Variants in SNX27 observed in about 807,000 individuals in gnomAD.
The protein encoded by SNX27 is sorting nexin 27, also known as sorting nexin-27.
SNX27 carries 22 observed loss-of-function variants against 71.6 expected under a neutral mutation model. That is an observed-to-expected ratio of 0.31 (90% CI 0.22 to 0.44). SNX27 has a LOEUF of 0.44. SNX27 is among the 20% of genes least tolerant of loss of function. The probability of loss-of-function intolerance (pLI) is 1.00; values close to 1 mark genes in which losing one functional copy is unlikely to be tolerated. For synonymous variants in SNX27, 269 were observed against 277.2 expected, an observed-to-expected ratio of 0.97 and a Z score of 0.29; for missense variants, 531 against 698.6, an observed-to-expected ratio of 0.76 and a Z score of 2.70.
intron 1 of SNX27, among the ~76,000 whole-genome samples, chr1:151,616,109 A>G (rs767997662): frequency 3.3e-5 from 5 of 152,218 alleles, no homozygotes; most frequent in Non-Finnish European, 7.4e-5. Context: ...TCCCAGTGTA[A>G]CATATACTGA....
intron 2 of SNX27, among the ~76,000 whole-genome samples, chr1:151,656,024 C>G (rs1402417338): frequency 6.6e-6 from 1 of 152,178 alleles, no homozygotes; most frequent in East Asian, 1.9e-4. Flanking sequence ...GAGATCCAGA[C>G]CATCCTGGCT....
intron 1 of SNX27, among the ~76,000 whole-genome samples, chr1:151,615,316 A>G (rs977343198): frequency 7.9e-5 from 12 of 151,696 alleles, no homozygotes; most frequent in Admixed American, 7.9e-4. Flanking sequence ...AGCTAGTGGT[A>G]CATTCTGTGA....
chr1:151,622,037 C>T lies in SNX27; in HGVS notation c.311+9525C>T, dbSNP rs1016159319. Among the ~76,000 whole-genome samples the T allele has an allele frequency of 3.2e-4, 48 of 152,156 alleles. 1 individual carries two copies. The highest frequency in any genetic ancestry group is 3.9e-4 in the Admixed American group (6 of 15,272). The stretch of plus-strand genomic sequence containing the variant: ...TTACCCAGTTATCTTTTATATTCCT[C>T]ATTTGGAAAAGGTCCGACTGTACCT... On this transcript the variant is annotated intron_variant, in intron 1 of 11. Transcript: ENST00000458013.
intron 11 of SNX27, chr1:151,693,792 A>G (rs1207782002): frequency 4.7e-5 from 69 of 1,459,146 alleles, no homozygotes; most frequent in Non-Finnish European, 6.1e-5. Flanking sequence ...ATCACCCTCC[A>G]TGTTGTTCCT....
rs1037942648 is a variant in SNX27 at position 151,698,141 on chromosome 1, C to G, written c.*3724C>G. ...GGGGGGAATTAGATAAATATTCCAA[C>G]ATCCTCATGCCTGGCCCATTTAGTT... On this transcript the variant is annotated 3_prime_UTR_variant, in exon 12 of 12. Coordinates refer to ENST00000458013, the MANE Select transcript of SNX27 (RefSeq NM_001330723.2). The G allele has an allele frequency of 6.6e-6, 1 of 152,546 alleles. No individual in the cohort carries two copies. Among genetic ancestry groups the G allele is most frequent in the East Asian group, 1.9e-4 (1 of 5,194 alleles). 9.4% of individuals were successfully genotyped at this position (152,546 alleles called of 1,614,324 possible). A position where few individuals can be genotyped will look rare whatever the true frequency, so the allele number is the denominator to read the frequency against.
chr1:151,620,804 C>T (rs111594945), intron 1 of SNX27, among the ~76,000 whole-genome samples: 3,510 of 152,020 alleles, frequency 0.023, 130 homozygotes, highest in African/African-American at 0.079. Context: ...ATTCTCCTGC[C>T]TTAGCCTCCT....
At chr1:151,654,194 CCA>C (rs1178870402) in intron 2 of SNX27, among the ~76,000 whole-genome samples, 1 of 152,158 alleles carries the variant, frequency 6.6e-6, no homozygotes, top group East Asian at 1.9e-4. Flanking sequence ...CATACCAGTA[CCA>C]CAGACAAGTT....
intron 1 of SNX27, among the ~76,000 whole-genome samples, chr1:151,624,135 A>T (rs1236257587): frequency 6.6e-6 from 1 of 151,540 alleles, no homozygotes; most frequent in Non-Finnish European, 1.5e-5. Flanking sequence ...GCTCATTTTT[A>T]AAAATTTTTT....
chr1:151,680,870 C>T (rs958283545), intron 7 of SNX27, among the ~76,000 whole-genome samples: 1 of 152,112 alleles, frequency 6.6e-6, no homozygotes, highest in Admixed American at 6.6e-5. Context: ...GGAAAGTGTT[C>T]AGGATCTTCA....
intron 2 of SNX27, among the ~76,000 whole-genome samples, chr1:151,641,598 G>GAGATATATATATAT (rs1668722029): frequency 1.3e-5 from 1 of 78,994 alleles, no homozygotes; most frequent in Non-Finnish European, 2.5e-5. Flanking sequence ...TCCTTTATCA[G>GAGATATATATATAT]ATATATATAT....
In SNX27 at chr1:151,662,174, T is replaced by C; in HGVS notation, c.810T>C (p.Asn270=). ...TATGTCTTTTCCCCCAGAACTACAA[T>C]GGTGTGTCCGACGTAGAGCTGAGAG... ...EFLSESDENY[N]GVSDVELRVA... Residue 270 remains asparagine, a synonymous_variant, in exon 5 of 12, where the codon AAT becomes AAC. Transcript: ENST00000458013. The C allele has an allele frequency of 6.2e-7, 1 of 1,612,650 alleles. No homozygotes were observed. The highest frequency in any genetic ancestry group is 1.3e-5 in the African/African-American group (1 of 75,006).
intron 6 of SNX27, among the ~76,000 whole-genome samples, chr1:151,667,858 T>C (rs1444265051): frequency 1.3e-5 from 2 of 150,740 alleles, no homozygotes; most frequent in Non-Finnish European, 3.0e-5. Flanking sequence ...AAAAGATGTT[T>C]AGTGGACATG....
chr1:151,677,090 T>C (rs1670735897), intron 7 of SNX27: 1 of 152,120 alleles, frequency 6.6e-6, no homozygotes, highest in Non-Finnish European at 1.5e-5. Flanking sequence ...TTTTTAAAAG[T>C]CTTGATATTC....
chr1:151,650,594 CT>C (rs1193990520), intron 2 of SNX27, among the ~76,000 whole-genome samples: 1 of 151,114 alleles, frequency 6.6e-6, no homozygotes, highest in Non-Finnish European at 1.5e-5. Flanking sequence ...TAATTTTTCT[CT>C]TTTTTTTTAA....
intron 10 of SNX27, 57 bp from the exon 11 acceptor site, chr1:151,693,367 C>T (rs1671547422): frequency 1.3e-6 from 2 of 1,528,216 alleles, no homozygotes; most frequent in Non-Finnish European, 1.8e-6. Flanking sequence ...TTCAAAGGCA[C>T]AGTCCTGAGA....
In SNX27 at chr1:151,612,118, T is replaced by G. The variant is rs955110771; in HGVS notation, c.-84T>G. 1.3e-5 allele frequency: 16 copies of G among 1,241,116 alleles called. No individual in the cohort carries two copies. The South Asian group carries it at 1.4e-4, about 11-fold the overall frequency. The allele number at this position is 1,241,116 out of a possible 1,614,324, so 76.9% of individuals were successfully genotyped here. On this transcript the variant is annotated 5_prime_UTR_variant, in exon 1 of 12. Coordinates refer to ENST00000458013, the MANE Select transcript of SNX27 (RefSeq NM_001330723.2). The surrounding 1 kb of genome is among the most constrained non-coding windows in gnomAD (Gnocchi z 5.2). ...GCGGATCGGGCGCGCGCGTCGGGGGTCGTCCGGCTGCCAGGCAGGGCGAGC... is the reference window on the plus strand; with the variant it reads ...GCGGATCGGGCGCGCGCGTCGGGGGGCGTCCGGCTGCCAGGCAGGGCGAGC...
intron 8 of SNX27, among the ~76,000 whole-genome samples, chr1:151,684,213 G>T (rs1671091197): frequency 6.6e-6 from 1 of 151,982 alleles, no homozygotes; most frequent in African/African-American, 2.4e-5. Context: ...TCCTAGAATT[G>T]TGCTATTTGA....
chr1:151,658,820 G>A (rs1571833432), intron 3 of SNX27, among the ~76,000 whole-genome samples: 1 of 150,704 alleles, frequency 6.6e-6, no homozygotes, highest in Non-Finnish European at 1.5e-5. Flanking sequence ...GAGTAGCTGG[G>A]ACTATAGGCA....
intron 2 of SNX27, among the ~76,000 whole-genome samples, chr1:151,643,823 G>C (rs532072775): frequency 4.6e-5 from 7 of 151,738 alleles, no homozygotes; most frequent in Admixed American, 4.6e-4. Context: ...AGCACGCTCG[G>C]CTAATTTTGT....
Sources: gnomAD v4.1 joint callset for allele counts (sites outside exome capture counted in the v4.1 genomes callset) on GRCh38, gnomAD v4.1.1 for gene constraint, Gnocchi (gnomAD v3.1) non-coding constraint, MANE v1.5 for transcripts, NCBI Gene and HGNC (gene_info 2026-07-23, HGNC 2026-07-21) for gene names.